Variants in EHD3 observed in about 807,000 individuals in gnomAD.
EHD3 encodes EH domain containing 3.
EHD3 carries 17 observed loss-of-function variants against 43.0 expected under a neutral mutation model. The observed-to-expected ratio is 0.40, with a 90% CI of 0.27 to 0.59. The LOEUF (loss-of-function observed/expected upper bound fraction) is 0.59. EHD3 is among the 20% of genes least tolerant of loss of function. EHD3 has a pLI of 0.49. For synonymous variants in EHD3, 313 were observed against 289.5 expected (o/e 1.08, Z -0.82); for missense variants, 594 against 705.6 (o/e 0.84, Z 1.79).
chr2:31,248,480 G>A (rs1558648645), intron 2 of EHD3, among the ~76,000 whole-genome samples: 1 of 152,154 alleles, frequency 6.6e-6, no homozygotes, highest in African/African-American at 2.4e-5. Flanking sequence ...CTCCTGTCCT[G>A]CACCAGGCTG....
At chr2:31,235,285 A>G (rs1683303395) in intron 1 of EHD3, among the ~76,000 whole-genome samples, 1 of 151,972 alleles carries the variant, frequency 6.6e-6, no homozygotes, top group African/African-American at 2.4e-5. Flanking sequence ...TGGCACTCAC[A>G]TGGGGGCCTC....
Position 31,234,674 on chromosome 2 carries a change from T to C in EHD3, c.53T>C (p.Phe18Ser), listed in dbSNP as rs752040156. 1.2e-6 allele frequency: 2 copies of C among 1,614,180 alleles called. No homozygotes were observed. Among genetic ancestry groups the C allele is most frequent in the Admixed American group, 1.7e-5 (1 of 60,032 alleles). Residue 18 changes from phenylalanine to serine, a missense_variant, in exon 1 of 6, where the codon TTC becomes TCC. Physicochemically the swap from Phe to Ser is radical, Grantham distance 155. Coordinates refer to ENST00000322054, the MANE Select transcript of EHD3 (RefSeq NM_014600.3). Reference sequence around the variant, plus strand: ...CGCCGGAGGAAGGACCCCGAGGTTTTCCAGACGGTGAGTGAGGGGCTCAAG... The same window carrying C: ...CGCCGGAGGAAGGACCCCGAGGTTTCCCAGACGGTGAGTGAGGGGCTCAAG... ...DDRRRKDPEVFQTVSEGLKKL... is the reference protein window; with the variant it reads ...DDRRRKDPEVSQTVSEGLKKL...
Position 31,266,786 on chromosome 2 carries a change from A to ACACACACAAACATG in EHD3, c.*91_*104dup. 7.1e-7 allele frequency: 1 copy of ACACACACAAACATG among 1,400,662 alleles called. No individual in the cohort carries two copies. Among genetic ancestry groups the ACACACACAAACATG allele is most frequent in the Non-Finnish European group, 9.6e-7 (1 of 1,037,896 alleles). The allele number at this position is 1,400,662 out of a possible 1,614,324, so 86.8% of individuals were successfully genotyped here. ...TACACACACACACACACACACACAC[A>ACACACACAAACATG]CACACACAAACATGCACACACACAT... On this transcript the variant is annotated 3_prime_UTR_variant, in exon 6 of 6. Transcript: ENST00000322054. The surrounding 1 kb of genome is among the most constrained non-coding windows in gnomAD (Gnocchi z 5.1).
intron 3 of EHD3, among the ~76,000 whole-genome samples, chr2:31,258,987 C>A (rs1683800561): frequency 6.6e-6 from 1 of 152,202 alleles, no homozygotes; most frequent in South Asian, 2.1e-4. Context: ...ACTCACAAGG[C>A]AGTTGCCTGA....
chr2:31,247,893 A>G (rs2148718491), intron 2 of EHD3, among the ~76,000 whole-genome samples: 1 of 152,368 alleles, frequency 6.6e-6, no homozygotes, highest in African/African-American at 2.4e-5. Context: ...GAAAATATGC[A>G]TCACCAGAGA....
At chr2:31,237,698 G>A (rs981317453) in intron 1 of EHD3, among the ~76,000 whole-genome samples, 9 of 152,266 alleles carry the variant, frequency 5.9e-5, no homozygotes, top group South Asian at 2.1e-4. Flanking sequence ...GAACCACTGC[G>A]TCTGGCCAGT....
chr2:31,252,019 T>C (rs1683644674), intron 3 of EHD3, among the ~76,000 whole-genome samples: 1 of 152,162 alleles, frequency 6.6e-6, no homozygotes, highest in Admixed American at 6.5e-5. Flanking sequence ...GGACGTCACA[T>C]GTGCACCTGC....
chr2:31,239,334 G>A (rs752087363), intron 1 of EHD3, among the ~76,000 whole-genome samples: 17 of 152,324 alleles, frequency 1.1e-4, no homozygotes, highest in Non-Finnish European at 8.8e-5. Flanking sequence ...TTGTCTGATA[G>A]GGTTCTGATC....
At position 31,266,401 on chromosome 2, in the gene EHD3, T is replaced by A; in HGVS notation, c.1305T>A (p.Asp435Glu). The A allele has an allele frequency of 6.2e-7, 1 of 1,614,010 alleles. No individual in the cohort carries two copies. The highest frequency in any genetic ancestry group is 8.5e-7 in the Non-Finnish European group (1 of 1,179,954). Reference protein sequence around the residue: ...GYGEGAGEGIDDAEWVVARDK... With the variant: ...GYGEGAGEGIEDAEWVVARDK... ...GGGAGGGGGCTGGAGAAGGTATCGATGATGCTGAGTGGGTGGTGGCCAGGG... is the reference window on the plus strand; with the variant it reads ...GGGAGGGGGCTGGAGAAGGTATCGAAGATGCTGAGTGGGTGGTGGCCAGGG... The change falls in exon 6 of 6, where the codon GAT becomes GAA. Residue 435 changes from aspartate (D) to glutamate (E), a missense_variant. Coordinates refer to ENST00000322054, the MANE Select transcript of EHD3 (RefSeq NM_014600.3). This position sits in a 1 kb window ranked among gnomAD's most constrained non-coding sequence, Gnocchi z 5.1.
intron 3 of EHD3, among the ~76,000 whole-genome samples, chr2:31,255,612 G>A (rs966050579): frequency 6.6e-5 from 10 of 152,092 alleles, no homozygotes; most frequent in Admixed American, 2.6e-4. Context: ...CTAAGTCCAG[G>A]CCAAGTGAAC....
chr2:31,250,370 G>A (rs1305039370), intron 3 of EHD3, among the ~76,000 whole-genome samples: 1 of 150,938 alleles, frequency 6.6e-6, no homozygotes, highest in Non-Finnish European at 1.5e-5. Context: ...GGGTTCAAGC[G>A]ATTCTCCTGC....
Position 31,245,553 on chromosome 2 carries a change from ATTTTTTT to A in EHD3, c.404+1119_404+1125del, listed in dbSNP as rs1227122252. ...AATATATATATATATATATATATATATTTTTTTTTTTTTTTTTTTTTTGATGAGATGG... is the reference window on the plus strand; with the variant it reads ...AATATATATATATATATATATATATATTTTTTTTTTTTTTTGATGAGATGG... On this transcript the variant is annotated intron_variant, in intron 2 of 5. Transcript: ENST00000322054. Among the ~76,000 whole-genome samples, 130 of 35,054 alleles carry A rather than the reference ATTTTTTT, an allele frequency of 3.7e-3. 2 individuals are homozygous for A. Among genetic ancestry groups the A allele is most frequent in the African/African-American group, 0.011 (121 of 11,080 alleles). 23.0% of individuals were successfully genotyped at this position (35,054 alleles called of 152,430 possible). A position where few individuals can be genotyped will look rare whatever the true frequency, so the allele number is the denominator to read the frequency against.
chr2:31,234,993 C>G (rs1683297241), intron 1 of EHD3, 145 bp downstream of exon 1: 2 of 777,020 alleles, frequency 2.6e-6, no homozygotes, highest in Non-Finnish European at 4.1e-6. Context: ...GTGCAGGCGT[C>G]AAAATCTTAC....
Position 31,260,488 on chromosome 2 carries a change from CT to C in EHD3, c.503-21del. 6.3e-7 allele frequency: 1 copy of C among 1,575,894 alleles called. No individual in the cohort carries two copies. The highest frequency in any genetic ancestry group is 8.6e-7 in the Non-Finnish European group (1 of 1,157,414). On this transcript the variant is annotated intron_variant, in intron 3 of 5. Transcript: ENST00000322054. The surrounding 1 kb of genome is among the most constrained non-coding windows in gnomAD (Gnocchi z 4.6). ...CCCTATACCCCAAAGGCCCCAGCCC[CT>C]GATTGTCCCTCTGCCGGCAGGGTAT...
At chr2:31,234,891 C>G (rs778963748) in intron 1 of EHD3, 43 bp downstream of exon 1, 1 of 1,585,510 alleles carries the variant, frequency 6.3e-7, no homozygotes, top group Admixed American at 1.7e-5. Context: ...CGGAGCCCAG[C>G]GCCTAGTCCC....
intron 3 of EHD3, among the ~76,000 whole-genome samples, chr2:31,254,710 C>T (rs774128441): frequency 1.3e-5 from 2 of 152,182 alleles, no homozygotes; most frequent in African/African-American, 4.8e-5. Context: ...GCTTCAGGCT[C>T]ACATGGCTGT....
At position 31,260,942 on chromosome 2, in the gene EHD3, G is replaced by A; in HGVS notation, c.915+20G>A. ...GCCAAGGTGAGGCAGCCCCCTGGGA[G>A]GTGGGCAGCTTGGGCAGGGGCCCAG... is the stretch of plus-strand genomic sequence containing the variant. On this transcript the variant is annotated intron_variant, in intron 4 of 5. Coordinates refer to ENST00000322054, the MANE Select transcript of EHD3 (RefSeq NM_014600.3). This position sits in a 1 kb window ranked among gnomAD's most constrained non-coding sequence, Gnocchi z 4.6. The A allele has an allele frequency of 6.4e-7, 1 of 1,571,968 alleles. No homozygotes were observed. The highest frequency in any genetic ancestry group is 1.2e-5 in the South Asian group (1 of 83,182).
In EHD3 at chr2:31,266,152, T is replaced by TCATCCTCTCTC; in HGVS notation, c.1081-23_1081-13dup. On this transcript the variant is annotated intron_variant, in intron 5 of 5. Coordinates refer to ENST00000322054, the MANE Select transcript of EHD3 (RefSeq NM_014600.3). The surrounding 1 kb of genome is among the most constrained non-coding windows in gnomAD (Gnocchi z 5.1). ...GCTCTCCTTTCATCGTATCCTATCT[T>TCATCCTCTCTC]CATCCTCTCTCCTCCTCTTCCCAGG... The TCATCCTCTCTC allele has an allele frequency of 6.3e-7, 1 of 1,590,542 alleles. No individual in the cohort carries two copies. Among genetic ancestry groups the TCATCCTCTCTC allele is most frequent in the Non-Finnish European group, 8.6e-7 (1 of 1,165,806 alleles).
intron 1 of EHD3, among the ~76,000 whole-genome samples, chr2:31,235,115 T>C (rs4952073): frequency 0.64 from 97,813 of 151,958 alleles, 33,085 homozygotes; most frequent in East Asian, 0.89. Context: ...CCATTCCCAG[T>C]CTCCCCATCT....
Sources: allele counts gnomAD v4.1 joint callset (sites outside exome capture counted in the v4.1 genomes callset), GRCh38; gene constraint gnomAD v4.1.1; non-coding constraint Gnocchi (gnomAD v3.1); transcripts MANE v1.5; gene names NCBI Gene and HGNC (gene_info 2026-07-23, HGNC 2026-07-21).